The following PABIR2 variants were observed in gnomAD, a reference collection of about 807,000 sequenced individuals.
The protein encoded by PABIR2 is PABIR family member 2.
Under a neutral mutation model 22.8 loss-of-function variants are expected in PABIR2, and 7 were observed. The observed-to-expected ratio is 0.31, with a 90% CI of 0.17 to 0.58. PABIR2 has a LOEUF of 0.58. PABIR2 is among the 20% of genes least tolerant of loss of function. The pLI is 0.89. For missense variants in PABIR2, 155 were observed against 205.1 expected (o/e 0.76, Z 1.49); for synonymous variants, 67 against 73.8 (o/e 0.91, Z 0.47).
intron 9 of PABIR2, among the ~76,000 whole-genome samples, chrX:134,772,519 C>T (rs1287753008): frequency 1.8e-5 from 2 of 111,745 alleles, no homozygotes; most frequent in East Asian, 5.6e-4. Context: ...ACCAGACCGC[C>T]TAACCTACAA....
chrX:134,784,208 A>G (rs1569427208), intron 8 of PABIR2, among the ~76,000 whole-genome samples: 2 of 109,721 alleles, frequency 1.8e-5, no homozygotes, highest in African/African-American at 6.6e-5. Flanking sequence ...GGTGGCTCAT[A>G]CCTGTAATCC....
chrX:134,784,635 G>A (rs749568451), intron 8 of PABIR2, among the ~76,000 whole-genome samples: 4 of 109,863 alleles, frequency 3.6e-5, no homozygotes, highest in East Asian at 2.9e-4. Context: ...AGCCACCAAC[G>A]CCTGCTTAAT....
At chrX:134,779,016 G>A (rs927669766) in intron 9 of PABIR2, among the ~76,000 whole-genome samples, 7 of 110,981 alleles carry the variant, frequency 6.3e-5, no homozygotes, top group Non-Finnish European at 9.5e-5. Flanking sequence ...AGGTTTCACC[G>A]TGTTAGCCAA....
Position 134,796,304 on chromosome X carries a change from G to T in PABIR2, c.-99C>A. 2.1e-6 allele frequency: 1 copy of T among 483,795 alleles called. No homozygotes were observed. The highest frequency in any genetic ancestry group is 3.3e-5 in the Admixed American group (1 of 29,964). 39.9% of individuals were successfully genotyped at this position (483,795 alleles called of 1,213,427 possible). On this transcript the variant is annotated 5_prime_UTR_variant, in exon 1 of 10. Coordinates refer to ENST00000343004, the MANE Select transcript of PABIR2 (RefSeq NM_001387468.1). ...CTGCAGGACTGAGCTGCTGGGGACT[G>T]GCAGCTGGGGGCGGGGGCTAAGGGG...
chrX:134,770,228 G>T lies in PABIR2; in HGVS notation c.*1911C>A, dbSNP rs768090995. The T allele has an allele frequency of 2.7e-5, 3 of 112,195 alleles. No individual in the cohort carries two copies. The South Asian group carries it at 1.1e-3, about 42-fold the overall frequency. 9.2% of individuals were successfully genotyped at this position (112,195 alleles called of 1,213,427 possible). ...TTATAGAGGCAGAACATTTTGACATGATCTTTTACAAACAGAATAGATACA... is the reference window on the plus strand; with the variant it reads ...TTATAGAGGCAGAACATTTTGACATTATCTTTTACAAACAGAATAGATACA... On this transcript the variant is annotated 3_prime_UTR_variant, in exon 10 of 10. Transcript: ENST00000343004.
intron 1 of PABIR2, among the ~76,000 whole-genome samples, chrX:134,794,274 C>A (rs2079636898): frequency 9.0e-6 from 1 of 111,456 alleles, no homozygotes; most frequent in South Asian, 3.8e-4. Context: ...CTGTGTTTGC[C>A]ATGATGCGAA....
intron 4 of PABIR2, 33 bp downstream of exon 4, chrX:134,789,190 T>C (rs200988823): frequency 9.3e-5 from 113 of 1,210,765 alleles, no homozygotes; most frequent in Admixed American, 3.9e-4. Context: ...AAGACACTTA[T>C]TAGGCTAGGC....
intron 7 of PABIR2, among the ~76,000 whole-genome samples, chrX:134,786,976 ACT>A (rs1415470484): frequency 9.1e-6 from 1 of 109,867 alleles, no homozygotes; most frequent in Non-Finnish European, 1.9e-5. Context: ...AAAAGAAAAA[ACT>A]CTGGTTAAAA....
chrX:134,772,974 G>A (rs932680635), intron 9 of PABIR2, among the ~76,000 whole-genome samples: 1 of 111,225 alleles, frequency 9.0e-6, no homozygotes, highest in Non-Finnish European at 1.9e-5. Context: ...CTCAATACCC[G>A]TTGTCTATTG....
At position 134,771,688 on chromosome X, in the gene PABIR2, G is replaced by T. The variant is rs377442021; in HGVS notation, c.*451C>A. 415 of 783,208 alleles carry T rather than the reference G, an allele frequency of 5.3e-4. 8 individuals carry two copies. The South Asian group carries it at 0.024, about 45-fold the overall frequency. 64.5% of individuals were successfully genotyped at this position (783,208 alleles called of 1,213,427 possible). A position where few individuals can be genotyped will look rare whatever the true frequency, so the allele number is the denominator to read the frequency against. On this transcript the variant is annotated 3_prime_UTR_variant, in exon 10 of 10. Coordinates refer to ENST00000343004, the MANE Select transcript of PABIR2 (RefSeq NM_001387468.1). The stretch of plus-strand genomic sequence containing the variant: ...TTAAAAGCAATTTATATATCATCAT[G>T]AAATAAAGAGAGATTTGAAACTATG...
intron 1 of PABIR2, among the ~76,000 whole-genome samples, chrX:134,795,767 T>G (rs1041190021): frequency 8.9e-5 from 10 of 112,154 alleles, no homozygotes; most frequent in Admixed American, 2.8e-4. Context: ...AGGTGTCAAG[T>G]TGCACATCTA....
intron 6 of PABIR2, among the ~76,000 whole-genome samples, chrX:134,787,996 GCTGT>G (rs2079392716): frequency 9.4e-6 from 1 of 106,496 alleles, no homozygotes; most frequent in Admixed American, 1.0e-4. Context: ...GAATTGCTTG[GCTGT>G]CTGTGTGTCT....
chrX:134,790,908 C>T (rs2079527583), intron 2 of PABIR2, among the ~76,000 whole-genome samples: 1 of 111,638 alleles, frequency 9.0e-6, no homozygotes. Context: ...TAGAAAACAC[C>T]AAGCTACAAG....
At chrX:134,780,658 C>T (rs905287816) in intron 9 of PABIR2, among the ~76,000 whole-genome samples, 1 of 112,353 alleles carries the variant, frequency 8.9e-6, no homozygotes, top group African/African-American at 3.2e-5. Flanking sequence ...CAATTGATTA[C>T]ACAAGTATTC....
rs767878787 is a variant in PABIR2 at position 134,771,176 on chromosome X, C to T, written c.*963G>A. ...TTCCACCATACCTTATGATATACAT[C>T]CCTTATAGCATGACAATGTACCCCA... On this transcript the variant is annotated 3_prime_UTR_variant, in exon 10 of 10. Transcript: ENST00000343004. The T allele has an allele frequency of 4.8e-5, 29 of 607,357 alleles. No homozygotes were observed. Among genetic ancestry groups the T allele is most frequent in the Non-Finnish European group, 6.6e-5 (28 of 426,236 alleles). 50.1% of individuals were successfully genotyped at this position (607,357 alleles called of 1,213,427 possible). A position where few individuals can be genotyped will look rare whatever the true frequency, so the allele number is the denominator to read the frequency against.
In PABIR2 at chrX:134,789,811, A is replaced by G. The variant is rs191950663; in HGVS notation, c.178-175T>C. On this transcript the variant is annotated intron_variant, in intron 2 of 9. Transcript: ENST00000343004. ...GCAGTACATTTAGTCTTCAAAAAGT[A>G]CACCAGGTGTCCAACCTCAAAGCGC... is the stretch of plus-strand genomic sequence containing the variant. Among the ~76,000 whole-genome samples, 9 of 112,364 alleles carry G rather than the reference A, an allele frequency of 8.0e-5. No individual in the cohort carries two copies. In the East Asian group the frequency reaches 2.5e-3, roughly 31 times the overall value.
chrX:134,774,392 T>C (rs1426102183), intron 9 of PABIR2, among the ~76,000 whole-genome samples: 1 of 111,876 alleles, frequency 8.9e-6, no homozygotes, highest in East Asian at 2.8e-4. Context: ...TCTTTGCTAC[T>C]TGGCAGGAAG....
At position 134,781,859 on chromosome X, in the gene PABIR2, T is replaced by C. The variant is rs765043561; in HGVS notation, c.621A>G (p.Leu207=). The C allele has an allele frequency of 8.3e-7, 1 of 1,205,205 alleles. No individual in the cohort carries two copies. Among genetic ancestry groups the C allele is most frequent in the South Asian group, 1.8e-5 (1 of 55,737 alleles). The stretch of plus-strand genomic sequence containing the variant: ...CAGACAGTTGCGCGGCATCTGGAGA[T>C]AACATATTGGTAGTGCCTTGGAAGA... ...KRLFQGTTNM[L]SPDAAQLSDL... is the part of the protein sequence containing the mutation. The change falls in exon 9 of 10, where the codon TTA becomes TTG. Residue 207 remains leucine (L), a synonymous_variant. Transcript: ENST00000343004.
At position 134,787,522 on chromosome X, in the gene PABIR2, G is replaced by A. The variant is rs1314241851; in HGVS notation, c.447C>T (p.Ser149=). 8.3e-7 allele frequency: 1 copy of A among 1,206,756 alleles called. No homozygotes were observed. The change falls in exon 7 of 10, where the codon AGC becomes AGT. Residue 149 remains serine, a synonymous_variant. Coordinates refer to ENST00000343004, the MANE Select transcript of PABIR2 (RefSeq NM_001387468.1). ...CTGGACTTGGTGGCAATCCACTGCT[G>A]CTCACGAACATCTGTAAGAAGGGTG... ...PTRGFGKMFV[S]SSGLPPSPVP... is the part of the protein sequence containing the mutation.
Sources: allele counts gnomAD v4.1 joint callset (sites outside exome capture counted in the v4.1 genomes callset), GRCh38; gene constraint gnomAD v4.1.1; transcripts MANE v1.5; gene names NCBI Gene and HGNC (gene_info 2026-07-23, HGNC 2026-07-21).